Variants in DMD observed in about 807,000 individuals in gnomAD.
DMD encodes the protein mutant dystrophin.
A neutral mutation model predicts 330.1 loss-of-function variants in DMD; 63 were observed. That is an observed-to-expected ratio of 0.19 (90% CI 0.16 to 0.24). DMD has a LOEUF of 0.24. Ranked by LOEUF, DMD falls within the 10% of genes least tolerant of loss-of-function variation. DMD has a pLI of 1.00. For synonymous variants in DMD, 1,223 were observed against 959.8 expected, an observed-to-expected ratio of 1.27 and a Z score of -5.07; for missense variants, 3,344 against 2,684.1, an observed-to-expected ratio of 1.25 and a Z score of -5.43.
At chrX:32,696,947 C>T (rs1569466412) in intron 9 of DMD, among the ~76,000 whole-genome samples, 1 of 111,038 alleles carries the variant, frequency 9.0e-6, no homozygotes, top group Non-Finnish European at 1.9e-5. Context: ...AAATAAATTA[C>T]TAATTAAATG....
chrX:32,630,334 T>TA (rs1569343876), intron 11 of DMD, among the ~76,000 whole-genome samples: 1 of 110,995 alleles, frequency 9.0e-6, no homozygotes, highest in African/African-American at 3.3e-5. Flanking sequence ...TTTTTTTTTT[T>TA]ATATGATTAC....
intron 55 of DMD, among the ~76,000 whole-genome samples, chrX:31,511,755 C>G (rs1316075257): frequency 9.4e-6 from 1 of 106,925 alleles, no homozygotes; most frequent in Non-Finnish European, 1.9e-5. Flanking sequence ...TGGGTTGGTT[C>G]CAAGTCTTTG....
chrX:32,781,196 T>A (rs2074721775), intron 7 of DMD, among the ~76,000 whole-genome samples: 1 of 108,348 alleles, frequency 9.2e-6, no homozygotes, highest in Non-Finnish European at 1.9e-5. Flanking sequence ...TCCCAGCACA[T>A]GAGGAAGTCA....
intron 44 of DMD, among the ~76,000 whole-genome samples, chrX:32,118,442 C>T (rs1280809880): frequency 9.0e-6 from 1 of 111,018 alleles, no homozygotes; most frequent in Non-Finnish European, 1.9e-5. Flanking sequence ...TTTTGGTGGT[C>T]GCAGTAAACA....
At chrX:32,378,586 C>A (rs958886009) in intron 34 of DMD, among the ~76,000 whole-genome samples, 1 of 109,588 alleles carries the variant, frequency 9.1e-6, no homozygotes, top group Non-Finnish European at 1.9e-5. Context: ...TACTTTCATA[C>A]GAAAATAAAT....
intron 44 of DMD, among the ~76,000 whole-genome samples, chrX:32,013,693 A>C (rs974589900): frequency 8.9e-6 from 1 of 112,098 alleles, no homozygotes; most frequent in Non-Finnish European, 1.9e-5. Context: ...ATGTCTATGA[A>C]ATGCAAAAAG....
At chrX:32,237,511 T>C (rs1270553695) in intron 43 of DMD, among the ~76,000 whole-genome samples, 2 of 111,281 alleles carry the variant, frequency 1.8e-5, no homozygotes, top group African/African-American at 3.3e-5. Context: ...TTGGGTTCTC[T>C]GTTTTCCGGA....
intron 44 of DMD, among the ~76,000 whole-genome samples, chrX:32,029,792 G>A (rs2095871256): frequency 1.8e-5 from 2 of 111,934 alleles, no homozygotes; most frequent in South Asian, 7.3e-4. Context: ...AGTAAACTTA[G>A]TCATGAGGAA....
rs891972222 is a variant in DMD at position 32,120,221 on chromosome X, G to A, written c.6438+96695C>T. 4.5e-5 allele frequency among the ~76,000 whole-genome samples: 5 copies of A among 112,173 alleles called. No individual in the cohort carries two copies. In the South Asian group the frequency reaches 1.1e-3, roughly 25 times the overall value. Reference sequence around the variant, plus strand: ...CAACCTTTTCATTTGCCTTGTCCATGTTATATGGTTTCTTATAGCCTAGCT... The same window carrying A: ...CAACCTTTTCATTTGCCTTGTCCATATTATATGGTTTCTTATAGCCTAGCT... On this transcript the variant is annotated intron_variant, in intron 44 of 78. Transcript: ENST00000357033.
At position 32,589,529 on chromosome X, in the gene DMD, C is replaced by T. The variant is rs933068186; in HGVS notation, c.1602+6228G>A. Among the ~76,000 whole-genome samples the T allele has an allele frequency of 3.6e-5, 4 of 110,230 alleles. No homozygotes were observed. In the Admixed American group the frequency reaches 3.9e-4, roughly 11 times the overall value. Reference sequence around the variant, plus strand: ...AGATGTATATAAATTTAACTATATACACATTTATACATATATTTTTATATA... The same window carrying T: ...AGATGTATATAAATTTAACTATATATACATTTATACATATATTTTTATATA... On this transcript the variant is annotated intron_variant, in intron 13 of 78. Coordinates refer to ENST00000357033, the MANE Select transcript of DMD (RefSeq NM_004006.3).
chrX:31,297,215 A>C (rs1441318783), intron 62 of DMD, among the ~76,000 whole-genome samples: 1 of 110,481 alleles, frequency 9.1e-6, no homozygotes, highest in East Asian at 2.8e-4. Context: ...CCAAATCCCA[A>C]AGTTTAGTGG....
chrX:32,822,583 G>A (rs1456871715), intron 5 of DMD, among the ~76,000 whole-genome samples: 2 of 109,683 alleles, frequency 1.8e-5, no homozygotes, highest in African/African-American at 6.6e-5. Context: ...TATAATGTGT[G>A]GATATGAGTG....
At chrX:31,934,994 C>T (rs566317270) in intron 45 of DMD, among the ~76,000 whole-genome samples, 2 of 111,903 alleles carry the variant, frequency 1.8e-5, no homozygotes, top group South Asian at 3.7e-4. Context: ...GTTAACCTTA[C>T]GGTTCCTCCT....
intron 51 of DMD, among the ~76,000 whole-genome samples, chrX:31,764,860 T>C (rs2089885175): frequency 8.9e-6 from 1 of 111,915 alleles, no homozygotes; most frequent in East Asian, 2.8e-4. Flanking sequence ...TCTTAAATAT[T>C]ATGTCACTTG....
intron 5 of DMD, among the ~76,000 whole-genome samples, chrX:32,818,943 G>A (rs1022102936): frequency 5.5e-5 from 6 of 108,789 alleles, no homozygotes; most frequent in Non-Finnish European, 1.1e-4. Flanking sequence ...GTGTCATAGG[G>A]TCTACGTCAC....
intron 43 of DMD, among the ~76,000 whole-genome samples, chrX:32,280,144 G>GTATATATATATATACAGTA (rs1557261266): frequency 2.2e-5 from 1 of 46,158 alleles, no homozygotes; most frequent in African/African-American, 7.4e-5. Flanking sequence ...TATATATACA[G>GTATATATATATATACAGTA]TATATATATA....
At chrX:31,346,103 G>A (rs2058064596) in intron 61 of DMD, among the ~76,000 whole-genome samples, 1 of 111,075 alleles carries the variant, frequency 9.0e-6, no homozygotes, top group Admixed American at 9.7e-5. Context: ...GAATATGGCA[G>A]AAGAATGGAG....
intron 30 of DMD, among the ~76,000 whole-genome samples, chrX:32,393,787 AAAG>A (rs2098020860): frequency 9.0e-6 from 1 of 110,930 alleles, no homozygotes; most frequent in African/African-American, 3.3e-5. Context: ...AAGAACTAGA[AAAG>A]AGAGAAAATC....
intron 1 of DMD, among the ~76,000 whole-genome samples, chrX:33,073,471 A>G (rs767643184): frequency 1.8e-5 from 2 of 111,912 alleles, no homozygotes; most frequent in African/African-American, 6.5e-5. Flanking sequence ...GTTTGAAGAC[A>G]GGATTCAAAC....
Sources: gnomAD v4.1 joint callset for allele counts (sites outside exome capture counted in the v4.1 genomes callset) on GRCh38, gnomAD v4.1.1 for gene constraint, MANE v1.5 for transcripts, NCBI Gene and HGNC (gene_info 2026-07-23, HGNC 2026-07-21) for gene names.